Variants in TAFA4 observed in about 807,000 individuals in gnomAD.
The protein encoded by TAFA4 is TAFA chemokine like family member 4.
A neutral mutation model predicts 21.1 loss-of-function variants in TAFA4; 20 were observed. That is an observed-to-expected ratio of 0.95 (90% CI 0.67 to 1.38). TAFA4 has a LOEUF of 1.38. Ranked by LOEUF, TAFA4 falls within the 40% of genes most tolerant of loss-of-function variation. TAFA4 has a pLI of 0.00. For synonymous variants in TAFA4, 71 were observed against 67.4 expected (o/e 1.05, Z -0.26); for missense variants, 211 against 180.9 (o/e 1.17, Z -0.95).
chr3:68,918,564 G>T (rs2090027974), intron 1 of TAFA4, among the ~76,000 whole-genome samples: 1 of 152,112 alleles, frequency 6.6e-6, no homozygotes, highest in African/African-American at 2.4e-5. Flanking sequence ...TCGAGACAGG[G>T]TCTTGCTCTG....
chr3:68,929,991 T>C (rs996092679), intron 1 of TAFA4, among the ~76,000 whole-genome samples: 1 of 152,216 alleles, frequency 6.6e-6, no homozygotes, highest in Non-Finnish European at 1.5e-5. Context: ...AGTTTTAATA[T>C]CACATGCATC....
chr3:68,814,927 C>G (rs568259165), intron 3 of TAFA4, among the ~76,000 whole-genome samples: 1 of 152,154 alleles, frequency 6.6e-6, no homozygotes, highest in South Asian at 2.1e-4. Context: ...TACAAGGCTA[C>G]AGTAACCAAA....
intron 4 of TAFA4, among the ~76,000 whole-genome samples, chr3:68,740,193 GA>G (rs1427920025): frequency 2.0e-5 from 3 of 152,196 alleles, no homozygotes; most frequent in African/African-American, 7.2e-5. Context: ...ATCCACGTGT[GA>G]AAGTCTTTGC....
chr3:68,748,441 A>G (rs1263202959), intron 4 of TAFA4, among the ~76,000 whole-genome samples: 2 of 152,192 alleles, frequency 1.3e-5, no homozygotes, highest in Non-Finnish European at 2.9e-5. Context: ...AACTAAGTGA[A>G]TTGACATCTT....
At chr3:68,772,761 C>T (rs1308291629) in intron 3 of TAFA4, among the ~76,000 whole-genome samples, 1 of 152,132 alleles carries the variant, frequency 6.6e-6, no homozygotes, top group African/African-American at 2.4e-5. Flanking sequence ...CCCAGGGTTT[C>T]CAGCTTGCAG....
chr3:68,863,015 C>G (rs1258776401), intron 3 of TAFA4, among the ~76,000 whole-genome samples: 3 of 150,298 alleles, frequency 2.0e-5, no homozygotes, highest in African/African-American at 7.4e-5. Context: ...TGACCAATCG[C>G]TTGAGAGCAG....
intron 5 of TAFA4, among the ~76,000 whole-genome samples, chr3:68,736,774 A>G (rs1296918197): frequency 1.3e-5 from 2 of 152,172 alleles, no homozygotes; most frequent in Non-Finnish European, 2.9e-5. Context: ...AAGATCCATA[A>G]AAGACATAAA....
At chr3:68,810,883 G>A (rs1161862117) in intron 3 of TAFA4, among the ~76,000 whole-genome samples, 1 of 152,172 alleles carries the variant, frequency 6.6e-6, no homozygotes, top group Non-Finnish European at 1.5e-5. Context: ...CCTCAAGTGG[G>A]TCCCTAATCC....
intron 3 of TAFA4, among the ~76,000 whole-genome samples, chr3:68,798,693 G>A (rs1224129122): frequency 6.6e-6 from 1 of 152,116 alleles, no homozygotes; most frequent in African/African-American, 2.4e-5. Context: ...AAGTCAAAGT[G>A]TACAATTCAG....
intron 3 of TAFA4, among the ~76,000 whole-genome samples, chr3:68,817,964 C>A (rs1704025998): frequency 6.6e-6 from 1 of 152,110 alleles, no homozygotes; most frequent in Non-Finnish European, 1.5e-5. Context: ...AGAGAGTCAG[C>A]CTGTTCTTTG....
chr3:68,778,081 C>A (rs1168763537), intron 3 of TAFA4, among the ~76,000 whole-genome samples: 1 of 152,088 alleles, frequency 6.6e-6, no homozygotes, highest in Non-Finnish European at 1.5e-5. Flanking sequence ...CATTTACACA[C>A]ACTAATTAGA....
intron 3 of TAFA4, among the ~76,000 whole-genome samples, chr3:68,836,142 C>T (rs907282148): frequency 6.6e-6 from 1 of 152,206 alleles, no homozygotes; most frequent in Non-Finnish European, 1.5e-5. Flanking sequence ...CCGCTTCGGG[C>T]CCCTTATGTT....
At chr3:68,864,685 C>T (rs1451140380) in intron 3 of TAFA4, among the ~76,000 whole-genome samples, 1 of 152,064 alleles carries the variant, frequency 6.6e-6, no homozygotes, top group Non-Finnish European at 1.5e-5. Flanking sequence ...GTTAGAAAAA[C>T]TCCAAGTGTT....
intron 1 of TAFA4, among the ~76,000 whole-genome samples, chr3:68,926,048 A>G (rs990382068): frequency 6.6e-6 from 1 of 152,148 alleles, no homozygotes; most frequent in Non-Finnish European, 1.5e-5. Context: ...CCTGGTCAAC[A>G]TGGTGAAACC....
intron 3 of TAFA4, among the ~76,000 whole-genome samples, chr3:68,793,473 G>T (rs564351565): frequency 2.6e-5 from 4 of 152,146 alleles, no homozygotes; most frequent in African/African-American, 9.7e-5. Flanking sequence ...GCCCAATTTG[G>T]AAATCCAATT....
chr3:68,819,237 A>C (rs1461352219), intron 3 of TAFA4, among the ~76,000 whole-genome samples: 1 of 147,182 alleles, frequency 6.8e-6, no homozygotes, highest in Non-Finnish European at 1.5e-5. Context: ...ACTACTGCAC[A>C]CCTGCCTGGG....
At chr3:68,905,058 A>C (rs2089885703) in intron 1 of TAFA4, among the ~76,000 whole-genome samples, 1 of 148,520 alleles carries the variant, frequency 6.7e-6, no homozygotes, top group Non-Finnish European at 1.5e-5. Flanking sequence ...AAATCCATCC[A>C]CTCTCCAAAC....
chr3:68,788,491 C>A (rs939693885), intron 3 of TAFA4, among the ~76,000 whole-genome samples: 5 of 152,186 alleles, frequency 3.3e-5, no homozygotes, highest in African/African-American at 1.2e-4. Context: ...CACTCATTTA[C>A]TTTTTGCTTT....
At chr3:68,867,672 G>A (rs977403956) in intron 3 of TAFA4, among the ~76,000 whole-genome samples, 16 of 151,988 alleles carry the variant, frequency 1.1e-4, no homozygotes, top group Non-Finnish European at 1.6e-4. Context: ...TTGAGACAAC[G>A]AAAAGTCAAA....
Sources: allele counts gnomAD v4.1 joint callset (sites outside exome capture counted in the v4.1 genomes callset), GRCh38; gene constraint gnomAD v4.1.1; transcripts MANE v1.5; gene names NCBI Gene and HGNC (gene_info 2026-07-23, HGNC 2026-07-21).